Variants in ARHGAP21 observed in about 807,000 individuals in gnomAD.
ARHGAP21 encodes the protein Rho GTPase activating protein 21.
ARHGAP21 carries 38 observed loss-of-function variants against 164.6 expected under a neutral mutation model. That is an observed-to-expected ratio of 0.23 (90% CI 0.18 to 0.30). The LOEUF (loss-of-function observed/expected upper bound fraction) is 0.30. ARHGAP21 is among the 10% of genes least tolerant of loss of function. The pLI is 1.00. For synonymous variants in ARHGAP21, 766 were observed against 857.9 expected (o/e 0.89, Z 1.87); for missense variants, 1,822 against 2,370.7 (o/e 0.77, Z 4.81).
intron 2 of ARHGAP21, among the ~76,000 whole-genome samples, chr10:24,698,997 C>T (rs1400601116): frequency 6.6e-6 from 1 of 152,162 alleles, no homozygotes; most frequent in Non-Finnish European, 1.5e-5. Flanking sequence ...AACTAATCAA[C>T]ACTACAAAAA....
In ARHGAP21 at chr10:24,607,922, A is replaced by C. The variant is rs374567348; in HGVS notation, c.2423-19T>G. 7.0e-6 allele frequency: 11 copies of C among 1,579,284 alleles called. No homozygotes were observed. The African/African-American group carries it at 1.5e-4, about 22-fold the overall frequency. On this transcript the variant is annotated intron_variant, in intron 9 of 25. Transcript: ENST00000396432. ...GGTTCATCTGTAAGAAAAAAGGAAAATCAGAATGTTCAATGACCTAATTGT... is the reference window on the plus strand; with the variant it reads ...GGTTCATCTGTAAGAAAAAAGGAAACTCAGAATGTTCAATGACCTAATTGT...
chr10:24,602,838 G>A (rs935482521), intron 12 of ARHGAP21, among the ~76,000 whole-genome samples: 2 of 152,072 alleles, frequency 1.3e-5, no homozygotes, highest in African/African-American at 4.8e-5. Flanking sequence ...AGGTGAAGAC[G>A]GGAAGATTCA....
intron 2 of ARHGAP21, among the ~76,000 whole-genome samples, chr10:24,671,254 C>T (rs71493393): frequency 0.17 from 25,855 of 152,044 alleles, 2,624 homozygotes; most frequent in Non-Finnish European, 0.23. Flanking sequence ...TGCAGGTGAA[C>T]GTGGGTAGAG....
chr10:24,592,151 G>C (rs1005965625), intron 21 of ARHGAP21, 139 bp from the exon 22 acceptor site: 73 of 491,874 alleles, frequency 1.5e-4, no homozygotes, highest in Non-Finnish European at 2.1e-4. Flanking sequence ...ATGCTTTCTA[G>C]CAAGATTTTT....
chr10:24,604,225 A>G, intron 12 of ARHGAP21, 87 bp downstream of exon 12: 1 of 891,920 alleles, frequency 1.1e-6, no homozygotes, highest in South Asian at 2.5e-5. Flanking sequence ...AGATTATAAT[A>G]TTTAAATATT....
Position 24,722,183 on chromosome 10 carries a change from T to C in ARHGAP21, c.-284A>G. The C allele has an allele frequency of 2.2e-6, 1 of 463,322 alleles. No individual in the cohort carries two copies. Among genetic ancestry groups the C allele is most frequent in the Non-Finnish European group, 4.0e-6 (1 of 251,428 alleles). The allele number at this position is 463,322 out of a possible 1,614,324, so 28.7% of individuals were successfully genotyped here. A position where few individuals can be genotyped will look rare whatever the true frequency, so the allele number is the denominator to read the frequency against. On this transcript the variant is annotated 5_prime_UTR_variant, in exon 2 of 26. Coordinates refer to ENST00000396432, the MANE Select transcript of ARHGAP21 (RefSeq NM_020824.4). ...TCTTGGCAGCCAGTGTCGAGGCCAA[T>C]TGCAGAAAGCGGTCCCCTTCTTCCC...
chr10:24,721,371 C>T (rs1845913024), intron 2 of ARHGAP21, among the ~76,000 whole-genome samples: 1 of 152,186 alleles, frequency 6.6e-6, no homozygotes, highest in Non-Finnish European at 1.5e-5. Flanking sequence ...GCCAGACTCC[C>T]CTCGTCAGTA....
chr10:24,722,212 G>T lies in ARHGAP21; in HGVS notation c.-313C>A, dbSNP rs1481545066. On this transcript the variant is annotated 5_prime_UTR_variant, in exon 2 of 26. Transcript: ENST00000396432. ...AGAAAGCGGTCCCCTTCTTCCCAGT[G>T]CCACTCCTGAGTCCTGGAAAAATCC... The T allele has an allele frequency of 3.5e-5, 14 of 402,202 alleles. No homozygotes were observed. The East Asian group carries it at 7.6e-4, about 22-fold the overall frequency. The allele number at this position is 402,202 out of a possible 1,614,324, so 24.9% of individuals were successfully genotyped here. A position where few individuals can be genotyped will look rare whatever the true frequency, so the allele number is the denominator to read the frequency against.
intron 21 of ARHGAP21, 114 bp from the exon 22 acceptor site, chr10:24,592,126 T>A: frequency 2.0e-6 from 2 of 992,408 alleles, no homozygotes; most frequent in Non-Finnish European, 2.8e-6. Context: ...AGCTTTGATG[T>A]AGATTAAAAA....
chr10:24,634,675 C>A (rs1384656026), intron 5 of ARHGAP21, among the ~76,000 whole-genome samples: 1 of 152,148 alleles, frequency 6.6e-6, no homozygotes, highest in East Asian at 1.9e-4. Context: ...TCACTTATAT[C>A]AAATAAATAC....
chr10:24,634,970 A>C, intron 5 of ARHGAP21, 41 bp downstream of exon 5: 1 of 1,375,106 alleles, frequency 7.3e-7, no homozygotes. Flanking sequence ...ATAAAGTGAA[A>C]AAGAAATTAA....
intron 4 of ARHGAP21, among the ~76,000 whole-genome samples, chr10:24,644,189 C>T (rs1018869064): frequency 3.3e-5 from 5 of 152,046 alleles, no homozygotes; most frequent in Non-Finnish European, 7.4e-5. Flanking sequence ...CAGGACCTTG[C>T]CACCATAATT....
chr10:24,650,569 T>A (rs1171143366), intron 4 of ARHGAP21, among the ~76,000 whole-genome samples: 1 of 152,210 alleles, frequency 6.6e-6, no homozygotes, highest in African/African-American at 2.4e-5. Context: ...AATTATTTTT[T>A]AATCTCAGAA....
intron 9 of ARHGAP21, among the ~76,000 whole-genome samples, chr10:24,608,247 T>C (rs1376364343): frequency 6.6e-6 from 1 of 152,202 alleles, no homozygotes; most frequent in East Asian, 1.9e-4. Context: ...AAAGAATTAC[T>C]TTTCAAATTT....
At chr10:24,713,914 C>T (rs1845106855) in intron 2 of ARHGAP21, among the ~76,000 whole-genome samples, 1 of 152,104 alleles carries the variant, frequency 6.6e-6, no homozygotes, top group Non-Finnish European at 1.5e-5. Context: ...GCAACTTAAA[C>T]CATAAAACTA....
chr10:24,638,880 T>A (rs1246511348), intron 4 of ARHGAP21, among the ~76,000 whole-genome samples: 1 of 152,188 alleles, frequency 6.6e-6, no homozygotes, highest in East Asian at 1.9e-4. Flanking sequence ...TAATATATAA[T>A]TAGTACTGAC....
chr10:24,681,562 A>C (rs1174797279), intron 2 of ARHGAP21, among the ~76,000 whole-genome samples: 1 of 152,210 alleles, frequency 6.6e-6, no homozygotes, highest in East Asian at 1.9e-4. Context: ...TGTTCTCTTA[A>C]AAGATAACTG....
intron 2 of ARHGAP21, among the ~76,000 whole-genome samples, chr10:24,702,850 A>G (rs964992785): frequency 2.0e-5 from 3 of 152,196 alleles, no homozygotes; most frequent in Non-Finnish European, 4.4e-5. Context: ...TTTCACCTCT[A>G]AGACTGTATC....
At chr10:24,640,139 G>A (rs1335773941) in intron 4 of ARHGAP21, 1 of 151,784 alleles carries the variant, frequency 6.6e-6, no homozygotes, top group Non-Finnish European at 1.5e-5. Flanking sequence ...TTAATCAAGA[G>A]CAAAGCAATA....
Sources: gnomAD v4.1 joint callset for allele counts (sites outside exome capture counted in the v4.1 genomes callset) on GRCh38, gnomAD v4.1.1 for gene constraint, MANE v1.5 for transcripts, NCBI Gene and HGNC (gene_info 2026-07-23, HGNC 2026-07-21) for gene names.